Variants in PPP1CB observed in about 807,000 individuals in gnomAD.
PPP1CB encodes the protein protein phosphatase 1 catalytic subunit beta, also known as serine/threonine-protein phosphatase PP1-beta catalytic subunit.
A neutral mutation model predicts 43.7 loss-of-function variants in PPP1CB; 2 were observed. That is an observed-to-expected ratio of 0.05 (90% CI 0.02 to 0.14). The LOEUF is 0.14. Ranked by LOEUF, PPP1CB falls within the 10% of genes least tolerant of loss-of-function variation. The probability of loss-of-function intolerance (pLI) is 1.00; values close to 1 mark genes in which losing one functional copy is unlikely to be tolerated. For synonymous variants in PPP1CB, 136 were observed against 135.6 expected, an observed-to-expected ratio of 1.00 and a Z score of -0.02; for missense variants, 84 against 398.0, an observed-to-expected ratio of 0.21 and a Z score of 6.71.
intron 6 of PPP1CB, 120 bp downstream of exon 6, chr2:28,788,929 C>G: frequency 9.9e-7 from 1 of 1,011,548 alleles, no homozygotes; most frequent in Non-Finnish European, 1.4e-6. Context: ...GCAATCTCTG[C>G]TCACTGCAAC....
rs577500106 is a variant in PPP1CB at position 28,751,858 on chromosome 2, A to C, written c.-267A>C. 1.3e-5 allele frequency: 7 copies of C among 520,602 alleles called. No homozygotes were observed. The highest frequency in any genetic ancestry group is 2.5e-5 in the Non-Finnish European group (7 of 285,440). 32.2% of individuals were successfully genotyped at this position (520,602 alleles called of 1,614,324 possible). A position where few individuals can be genotyped will look rare whatever the true frequency, so the allele number is the denominator to read the frequency against. ...GAGCTGGGCGGTGCCGAGGAGGAGG[A>C]GGTGGCGGCCTGGGTCTGACGCGGC... is the stretch of plus-strand genomic sequence containing the variant. On this transcript the variant is annotated 5_prime_UTR_variant, in exon 1 of 8. Transcript: ENST00000395366.
At chr2:28,793,716 A>G in intron 6 of PPP1CB, 147 bp from the exon 7 acceptor site, 1 of 760,516 alleles carries the variant, frequency 1.3e-6, no homozygotes, top group Admixed American at 3.2e-5. Flanking sequence ...GCAAAGTTTA[A>G]GAATAAAAAT....
chr2:28,762,094 G>A (rs542987120), intron 1 of PPP1CB, among the ~76,000 whole-genome samples: 1 of 152,264 alleles, frequency 6.6e-6, no homozygotes, highest in East Asian at 1.9e-4. Flanking sequence ...AGACCAGCCT[G>A]GGCAACATGG....
rs111975746 is a variant in PPP1CB at position 28,764,701 on chromosome 2, G to A, written c.53-12150G>A. Among the ~76,000 whole-genome samples the A allele has an allele frequency of 5.4e-3, 823 of 151,898 alleles. 10 individuals are homozygous for A. The highest frequency in any genetic ancestry group is 0.019 in the African/African-American group (784 of 41,406). The stretch of plus-strand genomic sequence containing the variant: ...AAGATTTTATGAGGCCAAGGCGAGT[G>A]GATCACTTGAGGTCAGGAGTTCGAG... On this transcript the variant is annotated intron_variant, in intron 1 of 7. Coordinates refer to ENST00000395366, the MANE Select transcript of PPP1CB (RefSeq NM_002709.3).
rs568724247 is a variant in PPP1CB, at chr2:28,778,298, CT to C, written c.185-508del. ...TGTTGTATAATAAATCATTCCAAAA[CT>C]TTGTGGCTTACAGCAACATTAATTT... On this transcript the variant is annotated intron_variant, in intron 2 of 7. Coordinates refer to ENST00000395366, the MANE Select transcript of PPP1CB (RefSeq NM_002709.3). 1.5e-3 allele frequency: 699 copies of C among 464,788 alleles called. 4 individuals are homozygous for C. The highest frequency in any genetic ancestry group is 0.012 in the African/African-American group (600 of 49,954). The allele number at this position is 464,788 out of a possible 1,614,324, so 28.8% of individuals were successfully genotyped here. A position where few individuals can be genotyped will look rare whatever the true frequency, so the allele number is the denominator to read the frequency against.
chr2:28,758,383 G>T (rs1424955941), intron 1 of PPP1CB, among the ~76,000 whole-genome samples: 1 of 152,158 alleles, frequency 6.6e-6, no homozygotes, highest in Non-Finnish European at 1.5e-5. Context: ...TTTCTGAAAG[G>T]TTATTCTCGA....
At chr2:28,788,300 A>C (rs1465991374) in intron 5 of PPP1CB, among the ~76,000 whole-genome samples, 2 of 152,224 alleles carry the variant, frequency 1.3e-5, no homozygotes, top group African/African-American at 2.4e-5. Context: ...TAAGGAAAGG[A>C]TGAACTGTTG....
At chr2:28,760,201 A>G (rs1245801524) in intron 1 of PPP1CB, among the ~76,000 whole-genome samples, 1 of 152,258 alleles carries the variant, frequency 6.6e-6, no homozygotes, top group Non-Finnish European at 1.5e-5. Context: ...TAATAGGATA[A>G]GGATATAAAG....
intron 6 of PPP1CB, 71 bp downstream of exon 6, chr2:28,788,880 C>G: frequency 1.4e-6 from 2 of 1,406,146 alleles, no homozygotes; most frequent in Non-Finnish European, 1.9e-6. Flanking sequence ...GAGGGGCAGA[C>G]AGATTCTTGT....
chr2:28,767,904 C>T (rs1666816958), intron 1 of PPP1CB, among the ~76,000 whole-genome samples: 1 of 152,160 alleles, frequency 6.6e-6, no homozygotes, highest in Admixed American at 6.6e-5. Context: ...TCTGCCTTTC[C>T]TAATGTAAAC....
chr2:28,787,350 T>G (rs1445719736), intron 5 of PPP1CB, among the ~76,000 whole-genome samples: 4 of 152,120 alleles, frequency 2.6e-5, no homozygotes, highest in Admixed American at 2.6e-4. Flanking sequence ...TCCCAGCTAC[T>G]CGGGAGGCTG....
chr2:28,774,678 G>A (rs1252438532), intron 1 of PPP1CB, among the ~76,000 whole-genome samples: 3 of 151,978 alleles, frequency 2.0e-5, no homozygotes, highest in Admixed American at 6.6e-5. Flanking sequence ...CACCCACCTC[G>A]GCCTCCCAAA....
chr2:28,774,321 CAGT>C (rs1666983506), intron 1 of PPP1CB, among the ~76,000 whole-genome samples: 1 of 152,220 alleles, frequency 6.6e-6, no homozygotes, highest in South Asian at 2.1e-4. Flanking sequence ...AACTAATACA[CAGT>C]AGACTCTCAA....
In PPP1CB at chr2:28,755,676, G is replaced by A. The variant is rs543023833; in HGVS notation, c.52+3500G>A. 5.3e-5 allele frequency among the ~76,000 whole-genome samples: 8 copies of A among 152,256 alleles called. No individual in the cohort carries two copies. The East Asian group carries it at 1.5e-3, about 29-fold the overall frequency. On this transcript the variant is annotated intron_variant, in intron 1 of 7. Transcript: ENST00000395366. ...ATGGGAGTATAGCAGAATCATCTGGGGAACTTCATTCAAACTATAAGTGCT... is the reference window on the plus strand; with the variant it reads ...ATGGGAGTATAGCAGAATCATCTGGAGAACTTCATTCAAACTATAAGTGCT...
At position 28,801,570 on chromosome 2, in the gene PPP1CB, T is replaced by C. The variant is rs151156817; in HGVS notation, c.*2267T>C. ...CACTCTTAAAACCACTTAAACAGCC[T>C]CCAGTCATAAAAATGTGTTCTTTAC... On this transcript the variant is annotated 3_prime_UTR_variant, in exon 8 of 8. Transcript: ENST00000395366. The C allele has an allele frequency of 6.6e-6, 1 of 152,232 alleles. No homozygotes were observed. Among genetic ancestry groups the C allele is most frequent in the East Asian group, 1.9e-4 (1 of 5,186 alleles). 9.4% of individuals were successfully genotyped at this position (152,232 alleles called of 1,614,324 possible).
At chr2:28,786,774 CAAAAA>C (rs70956040) in intron 5 of PPP1CB, among the ~76,000 whole-genome samples, 1 of 94,906 alleles carries the variant, frequency 1.1e-5, no homozygotes. Flanking sequence ...GACTCCGTCT[CAAAAA>C]AAAAAAAAAA....
Position 28,751,883 on chromosome 2 carries a change from C to T in PPP1CB, c.-242C>T. ...AGGTGGCGGCCTGGGTCTGACGCGG[C>T]CCTGTTCGAGGGGGCCTCTCTTGTT... On this transcript the variant is annotated 5_prime_UTR_variant, in exon 1 of 8. Transcript: ENST00000395366. The T allele has an allele frequency of 1.7e-6, 1 of 585,340 alleles. No homozygotes were observed. Among genetic ancestry groups the T allele is most frequent in the Non-Finnish European group, 3.1e-6 (1 of 321,188 alleles). The allele number at this position is 585,340 out of a possible 1,614,324, so 36.3% of individuals were successfully genotyped here. A position where few individuals can be genotyped will look rare whatever the true frequency, so the allele number is the denominator to read the frequency against.
intron 3 of PPP1CB, among the ~76,000 whole-genome samples, chr2:28,781,390 C>T (rs1667155650): frequency 6.6e-6 from 1 of 152,076 alleles, no homozygotes; most frequent in African/African-American, 2.4e-5. Context: ...TACAAAGATA[C>T]AATATAGTGT....
chr2:28,761,489 A>G (rs1326188339), intron 1 of PPP1CB, among the ~76,000 whole-genome samples: 3 of 152,186 alleles, frequency 2.0e-5, no homozygotes, highest in Non-Finnish European at 2.9e-5. Flanking sequence ...AATTCTTGAC[A>G]CATTAAAGGT....
Sources: gnomAD v4.1 joint callset for allele counts (sites outside exome capture counted in the v4.1 genomes callset) on GRCh38, gnomAD v4.1.1 for gene constraint, MANE v1.5 for transcripts, NCBI Gene and HGNC (gene_info 2026-07-23, HGNC 2026-07-21) for gene names.